The following AOPEP variants were observed in gnomAD, a reference collection of about 807,000 sequenced individuals.
AOPEP encodes aminopeptidase O (putative).
AOPEP carries 77 observed loss-of-function variants against 98.1 expected under a neutral mutation model. That is an observed-to-expected ratio of 0.78 (90% CI 0.65 to 0.95). The LOEUF (loss-of-function observed/expected upper bound fraction) is 0.95. Among genes scored for constraint, AOPEP ranks in the 40% least tolerant of loss-of-function variants. The pLI is 0.00. For synonymous variants in AOPEP, 346 were observed against 365.3 expected (o/e 0.95, Z 0.60); for missense variants, 1,024 against 1,024.7 (o/e 1.00, Z 0.01).
the AOPEP span, chr9:95,135,354 A>T: frequency 5.6e-6 from 9 of 1,613,940 alleles, no homozygotes; most frequent in Admixed American, 1.5e-4. Flanking sequence ...ACCAGCGATG[A>T]ATCTTTTATA....
intron 3 of AOPEP, among the ~76,000 whole-genome samples, chr9:94,784,304 G>A (rs1843922940): frequency 1.3e-5 from 2 of 152,076 alleles, no homozygotes; most frequent in Admixed American, 6.5e-5. Context: ...CTATTGGTAG[G>A]CATGACTGAT....
At chr9:94,768,060 A>C (rs1840017744) in intron 2 of AOPEP, among the ~76,000 whole-genome samples, 1 of 152,226 alleles carries the variant, frequency 6.6e-6, no homozygotes, top group Non-Finnish European at 1.5e-5. Flanking sequence ...AGTTATAAAA[A>C]AGATTAGTGC....
chr9:94,998,767 G>A (rs934258566), intron 11 of AOPEP, among the ~76,000 whole-genome samples: 1 of 152,134 alleles, frequency 6.6e-6, no homozygotes, highest in East Asian at 1.9e-4. Flanking sequence ...TTCACAGTAG[G>A]CATTTAATAT....
chr9:94,791,164 A>G (rs1845627069), intron 3 of AOPEP, among the ~76,000 whole-genome samples: 1 of 152,198 alleles, frequency 6.6e-6, no homozygotes, highest in African/African-American at 2.4e-5. Flanking sequence ...CAGTCATAAA[A>G]AAGAATGAGA....
At chr9:94,799,878 A>G (rs537368307) in intron 4 of AOPEP, among the ~76,000 whole-genome samples, 7 of 151,820 alleles carry the variant, frequency 4.6e-5, no homozygotes, top group African/African-American at 1.7e-4. Flanking sequence ...AAAAAAAATA[A>G]TGAAATAAAT....
intron 5 of AOPEP, among the ~76,000 whole-genome samples, chr9:94,810,885 T>C (rs900580175): frequency 3.3e-5 from 5 of 152,114 alleles, no homozygotes; most frequent in African/African-American, 1.2e-4. Context: ...AATAACTGCC[T>C]CTGTTTTGTG....
the AOPEP span, chr9:95,110,341 A>C: frequency 2.0e-6 from 2 of 1,018,434 alleles, no homozygotes; most frequent in Non-Finnish European, 2.4e-6. Flanking sequence ...TTCAGAATCA[A>C]ATAAGACAGA....
At chr9:94,770,884 A>G (rs1840710265) in intron 2 of AOPEP, among the ~76,000 whole-genome samples, 1 of 152,156 alleles carries the variant, frequency 6.6e-6, no homozygotes, top group African/African-American at 2.4e-5. Context: ...AACGATGTAA[A>G]TATTAGGAGT....
intron 5 of AOPEP, among the ~76,000 whole-genome samples, chr9:94,916,694 CA>C (rs560271736): frequency 0.027 from 2,667 of 99,866 alleles, 64 homozygotes; most frequent in African/African-American, 0.075. Context: ...GACTCCCTCT[CA>C]AAAAAAAAAA....
chr9:95,029,884 T>C lies in AOPEP; in HGVS notation c.2115+24268T>C, dbSNP rs139876912. ...TTACTGATGGTGTGCCCAGCACTCCTAAGTAGGGAGGCCCCCTGGGAGTCC... is the reference window on the plus strand; with the variant it reads ...TTACTGATGGTGTGCCCAGCACTCCCAAGTAGGGAGGCCCCCTGGGAGTCC... On this transcript the variant is annotated intron_variant, in intron 13 of 16. Transcript: ENST00000375315. 4.9e-3 allele frequency among the ~76,000 whole-genome samples: 742 copies of C among 152,282 alleles called. 12 individuals carry two copies. The highest frequency in any genetic ancestry group is 0.031 in the Admixed American group (475 of 15,288).
At chr9:95,134,802 A>G in the AOPEP span, among the ~76,000 whole-genome samples, 1 of 152,218 alleles carries the variant, frequency 6.6e-6, no homozygotes, top group Non-Finnish European at 1.5e-5. Context: ...TGGAGTCCCC[A>G]GCTGCACAGT....
chr9:94,944,963 C>T (rs532884699), intron 7 of AOPEP, among the ~76,000 whole-genome samples: 4 of 152,264 alleles, frequency 2.6e-5, no homozygotes, highest in Admixed American at 1.3e-4. Flanking sequence ...TCTACTGTCT[C>T]ATAATACCCC....
At chr9:94,873,339 C>G (rs997455117) in intron 5 of AOPEP, among the ~76,000 whole-genome samples, 1 of 152,216 alleles carries the variant, frequency 6.6e-6, no homozygotes, top group Non-Finnish European at 1.5e-5. Context: ...CTACGAAAGA[C>G]AGTGTTATAC....
chr9:94,835,997 G>C (rs1252731641), intron 5 of AOPEP, among the ~76,000 whole-genome samples: 1 of 152,222 alleles, frequency 6.6e-6, no homozygotes, highest in Non-Finnish European at 1.5e-5. Context: ...GGTCTGAGGT[G>C]CAGTGGTACA....
At chr9:95,038,800 G>A (rs769976844) in intron 13 of AOPEP, among the ~76,000 whole-genome samples, 14 of 152,110 alleles carry the variant, frequency 9.2e-5, no homozygotes, top group Non-Finnish European at 1.6e-4. Flanking sequence ...ACTTCTAGGC[G>A]GACAGGTCTG....
At chr9:94,989,426 G>A (rs868209325) in intron 11 of AOPEP, among the ~76,000 whole-genome samples, 2 of 151,764 alleles carry the variant, frequency 1.3e-5, no homozygotes, top group Admixed American at 1.3e-4. Context: ...TAGTAGAGAC[G>A]GGCTTTCACC....
chr9:94,895,236 A>AAAT (rs1201483889), intron 5 of AOPEP, among the ~76,000 whole-genome samples: 1 of 34,316 alleles, frequency 2.9e-5, no homozygotes, highest in African/African-American at 5.7e-5. Context: ...AAATAAAATA[A>AAAT]AATAAAAAAA....
At chr9:95,130,299 T>TGAGAGA in the AOPEP span, among the ~76,000 whole-genome samples, 27 of 149,192 alleles carry the variant, frequency 1.8e-4, no homozygotes, top group Admixed American at 4.7e-4. Context: ...TGTGTGTGTG[T>TGAGAGA]GAGAGAGAGA....
chr9:95,136,743 CA>C, the AOPEP span, among the ~76,000 whole-genome samples: 1 of 152,190 alleles, frequency 6.6e-6, no homozygotes, highest in Non-Finnish European at 1.5e-5. Flanking sequence ...CTTGGCCTCC[CA>C]AAATGTTGGG....
Sources: allele counts gnomAD v4.1 joint callset (sites outside exome capture counted in the v4.1 genomes callset), GRCh38; gene constraint gnomAD v4.1.1; transcripts MANE v1.5; gene names NCBI Gene and HGNC (gene_info 2026-07-23, HGNC 2026-07-21).